NYAP2: variants seen among roughly 807,000 people sequenced by gnomAD.
The protein encoded by NYAP2 is neuronal tyrosine-phosphorylated phosphoinositide-3-kinase adapter 2.
NYAP2 carries 23 observed loss-of-function variants against 50.4 expected under a neutral mutation model. The observed-to-expected ratio is 0.46, with a 90% CI of 0.33 to 0.65. The LOEUF is 0.65. NYAP2 is among the 30% of genes least tolerant of loss of function. The pLI, the probability that NYAP2 is intolerant of heterozygous loss-of-function variation, is 0.02. For synonymous variants in NYAP2, 394 were observed against 365.2 expected (o/e 1.08, Z -0.90); for missense variants, 885 against 861.0 (o/e 1.03, Z -0.35).
At chr2:225,584,015 C>T (rs1328906857) in intron 5 of NYAP2, among the ~76,000 whole-genome samples, 1 of 151,658 alleles carries the variant, frequency 6.6e-6, no homozygotes, top group Non-Finnish European at 1.5e-5. Flanking sequence ...GCTCTCCAGC[C>T]TGGGCGATAG....
chr2:225,492,835 G>A (rs2106172092), intron 3 of NYAP2, among the ~76,000 whole-genome samples: 1 of 152,036 alleles, frequency 6.6e-6, no homozygotes, highest in East Asian at 1.9e-4. Flanking sequence ...AGGCCATGAG[G>A]GATCTGCCTC....
chr2:225,688,717 C>T, the NYAP2 span, among the ~76,000 whole-genome samples: 1 of 152,260 alleles, frequency 6.6e-6, no homozygotes, highest in Middle Eastern at 3.4e-3. Context: ...TATACTGTCT[C>T]CTCAGAAAAT....
the NYAP2 span, among the ~76,000 whole-genome samples, chr2:225,680,893 T>C: frequency 6.6e-6 from 1 of 152,218 alleles, no homozygotes; most frequent in Non-Finnish European, 1.5e-5. Context: ...ATGTATACTA[T>C]TGGAAATTAT....
intron 4 of NYAP2, among the ~76,000 whole-genome samples, chr2:225,537,031 G>A (rs1691364237): frequency 6.6e-6 from 1 of 152,048 alleles, no homozygotes. Flanking sequence ...GCTCGCCTCG[G>A]CTTCCCAAAG....
chr2:225,668,815 G>A, the NYAP2 span, among the ~76,000 whole-genome samples: 2 of 152,078 alleles, frequency 1.3e-5, no homozygotes, highest in Admixed American at 1.3e-4. Flanking sequence ...ACCACTAGAG[G>A]GAGGGAGAGG....
chr2:225,540,422 T>C (rs1052897562), intron 4 of NYAP2, among the ~76,000 whole-genome samples: 1 of 152,178 alleles, frequency 6.6e-6, no homozygotes, highest in African/African-American at 2.4e-5. Context: ...GAAAGGCACG[T>C]CTCACATGGT....
intron 3 of NYAP2, among the ~76,000 whole-genome samples, chr2:225,506,061 A>AG (rs1690699175): frequency 6.8e-6 from 1 of 147,630 alleles, no homozygotes; most frequent in East Asian, 2.0e-4. Context: ...GAGAGAGAGA[A>AG]AAAAAAAAGA....
At chr2:225,530,859 T>G (rs1487649125) in intron 4 of NYAP2, among the ~76,000 whole-genome samples, 1 of 152,186 alleles carries the variant, frequency 6.6e-6, no homozygotes, top group Non-Finnish European at 1.5e-5. Flanking sequence ...CCCTGATCTC[T>G]CATCAGTGAT....
chr2:225,546,935 C>G (rs73089020), intron 4 of NYAP2, among the ~76,000 whole-genome samples: 5 of 152,060 alleles, frequency 3.3e-5, no homozygotes, highest in Non-Finnish European at 7.4e-5. Context: ...GTCCTTCGTT[C>G]AAAGCAGTGG....
chr2:225,414,586 A>T (rs931939615), intron 3 of NYAP2, among the ~76,000 whole-genome samples: 1 of 152,116 alleles, frequency 6.6e-6, no homozygotes, highest in Non-Finnish European at 1.5e-5. Flanking sequence ...CACACTCAGG[A>T]ACCAGCCAAT....
At chr2:225,539,258 G>T (rs1416254623) in intron 4 of NYAP2, among the ~76,000 whole-genome samples, 1 of 152,136 alleles carries the variant, frequency 6.6e-6, no homozygotes, top group African/African-American at 2.4e-5. Flanking sequence ...TGGGCATTTG[G>T]GTTGGTTCCA....
intron 5 of NYAP2, among the ~76,000 whole-genome samples, chr2:225,604,804 G>A (rs953093197): frequency 2.0e-5 from 3 of 152,024 alleles, no homozygotes; most frequent in Non-Finnish European, 2.9e-5. Context: ...TATTTATTGA[G>A]AGAATCAGTA....
At chr2:225,456,869 G>A (rs1386370696) in intron 3 of NYAP2, among the ~76,000 whole-genome samples, 1 of 152,110 alleles carries the variant, frequency 6.6e-6, no homozygotes, top group African/African-American at 2.4e-5. Context: ...TGTTTTACTG[G>A]GCCCATTGTA....
At position 225,546,529 on chromosome 2, in the gene NYAP2, C is replaced by T. The variant is rs1345052896; in HGVS notation, c.523+32857C>T. ...CCGATATTCACTTAAGGACCCAGGT[C>T]TCTTCAGTCAGCTTGTAGTGAATGT... is the stretch of plus-strand genomic sequence containing the variant. On this transcript the variant is annotated intron_variant, in intron 4 of 6. Coordinates refer to ENST00000636099, the Ensembl canonical transcript of NYAP2. Among the ~76,000 whole-genome samples the T allele has an allele frequency of 4.6e-5, 7 of 152,140 alleles. No homozygotes were observed. In the East Asian group the frequency reaches 1.4e-3, roughly 30 times the overall value.
the NYAP2 span, chr2:225,698,214 T>C: frequency 6.6e-6 from 1 of 151,910 alleles, no homozygotes; most frequent in African/African-American, 2.4e-5. Context: ...AGAAGAGATA[T>C]AGAAACAGCT....
At chr2:225,420,168 G>A (rs1695193073) in intron 3 of NYAP2, among the ~76,000 whole-genome samples, 1 of 152,040 alleles carries the variant, frequency 6.6e-6, no homozygotes, top group Admixed American at 6.6e-5. Context: ...TTCTCCTAGG[G>A]AATAGTAAAT....
intron 5 of NYAP2, among the ~76,000 whole-genome samples, chr2:225,601,688 G>C (rs1334702557): frequency 6.6e-6 from 1 of 152,100 alleles, no homozygotes; most frequent in Non-Finnish European, 1.5e-5. Context: ...GCCTCCTTCA[G>C]ATAAATATCT....
intron 3 of NYAP2, among the ~76,000 whole-genome samples, chr2:225,462,481 A>G (rs1158460477): frequency 6.6e-6 from 1 of 152,146 alleles, no homozygotes; most frequent in African/African-American, 2.4e-5. Context: ...CACCCAGACT[A>G]GAAGGCTCCA....
intron 3 of NYAP2, among the ~76,000 whole-genome samples, chr2:225,410,163 T>C (rs1299130066): frequency 1.3e-5 from 2 of 152,172 alleles, no homozygotes; most frequent in South Asian, 2.1e-4. Flanking sequence ...GAGAGAGAGA[T>C]GATTTGAAAG....
Sources: allele counts gnomAD v4.1 joint callset (sites outside exome capture counted in the v4.1 genomes callset), GRCh38; gene constraint gnomAD v4.1.1; transcripts MANE v1.5; gene names NCBI Gene and HGNC (gene_info 2026-07-23, HGNC 2026-07-21).